The following TBC1D14 variants were observed in gnomAD, a reference collection of about 807,000 sequenced individuals.
TBC1D14 encodes the protein TBC1 domain family member 14.
TBC1D14 carries 26 observed loss-of-function variants against 79.0 expected under a neutral mutation model. That is an observed-to-expected ratio of 0.33 (90% CI 0.24 to 0.46). The LOEUF (loss-of-function observed/expected upper bound fraction) is 0.46. Ranked by LOEUF, TBC1D14 falls within the 20% of genes least tolerant of loss-of-function variation. TBC1D14 has a pLI of 1.00. For synonymous variants in TBC1D14, 394 were observed against 349.9 expected (o/e 1.13, Z -1.40); for missense variants, 769 against 887.6 (o/e 0.87, Z 1.70).
chr4:7,014,568 C>G lies in TBC1D14; in HGVS notation c.1757+11C>G, dbSNP rs1345915994. On this transcript the variant is annotated intron_variant, in intron 12 of 13. Transcript: ENST00000409757. ...CTACCTAATTGATTGGTAAGACTGG[C>G]TTTTCCCTGTGTTTTCAGAGCATTT... The G allele has an allele frequency of 1.9e-6, 3 of 1,557,472 alleles. No individual in the cohort carries two copies. The highest frequency in any genetic ancestry group is 2.2e-5 in the East Asian group (1 of 44,562).
At chr4:6,989,447 C>T (rs1490979342) in intron 3 of TBC1D14, among the ~76,000 whole-genome samples, 4 of 152,212 alleles carry the variant, frequency 2.6e-5, no homozygotes, top group African/African-American at 9.6e-5. Context: ...TTCCTCTTGG[C>T]CTCTAGCCCA....
Position 7,006,638 on chromosome 4 carries a change from G to T in TBC1D14, c.1358G>T (p.Gly453Val), listed in dbSNP as rs781483190. The T allele has an allele frequency of 1.2e-6, 2 of 1,613,814 alleles. No individual in the cohort carries two copies. The highest frequency in any genetic ancestry group is 3.3e-5 in the Admixed American group (2 of 59,948). The change falls in exon 9 of 14, where the codon GGT becomes GTT. Residue 453 changes from glycine to valine, a missense_variant. By Grantham distance (109) the Gly-to-Val change is moderately radical (BLOSUM62 -3). Around this residue, in one of 2 missense-constraint regions of TBC1D14, gnomAD observed 367 missense variants for 494.4 expected, o/e 0.74. Transcript: ENST00000409757. ...TTTTGGCATCTTTTGACAGATGCTG[G>T]TTTTTCAGCAGCAGACAGAGAAGCC... ...GGSEVENEDAGFSAADREASL... is the reference protein window; with the variant it reads ...GGSEVENEDAVFSAADREASL...
intron 12 of TBC1D14, among the ~76,000 whole-genome samples, chr4:7,023,253 C>T (rs997171210): frequency 1.1e-4 from 16 of 152,148 alleles, no homozygotes; most frequent in African/African-American, 3.9e-4. Flanking sequence ...GAGACTCCGT[C>T]TCAAGAAAAA....
rs114072903 is a variant in TBC1D14, at chr4:6,934,711, G to A, written c.722+10600G>A. Among the ~76,000 whole-genome samples, 466 of 152,214 alleles carry A rather than the reference G, an allele frequency of 3.1e-3. 2 individuals are homozygous for A. The highest frequency in any genetic ancestry group is 0.01 in the African/African-American group (423 of 41,552). ...GAATTGACTGTTTAGCAATGAGGAG[G>A]CCATCAGTGACCTTTGAGCAGAGCT... On this transcript the variant is annotated intron_variant, in intron 2 of 13. Transcript: ENST00000409757.
At chr4:7,010,534 G>GTC in intron 10 of TBC1D14, 119 bp from the exon 11 acceptor site, 1 of 1,258,000 alleles carries the variant, frequency 7.9e-7, no homozygotes, top group South Asian at 1.5e-5. Context: ...CGGAGGAGTG[G>GTC]GGCGGCTCTA....
chr4:6,931,840 T>A (rs1192784245), intron 2 of TBC1D14, among the ~76,000 whole-genome samples: 2 of 152,266 alleles, frequency 1.3e-5, no homozygotes, highest in South Asian at 4.1e-4. Flanking sequence ...TGGGATTCAT[T>A]TGTGAACAAA....
At chr4:6,934,369 G>A (rs969058290) in intron 2 of TBC1D14, among the ~76,000 whole-genome samples, 3 of 152,072 alleles carry the variant, frequency 2.0e-5, no homozygotes, top group African/African-American at 7.2e-5. Flanking sequence ...AGGGGCAACT[G>A]GGCAGAGGTT....
intron 13 of TBC1D14, 89 bp from the exon 14 acceptor site, chr4:7,030,238 T>A: frequency 7.8e-7 from 1 of 1,279,412 alleles, no homozygotes. Context: ...GGGGACCCTG[T>A]TAGGAGGCTA....
intron 12 of TBC1D14, among the ~76,000 whole-genome samples, chr4:7,017,040 C>G (rs1317880517): frequency 6.6e-6 from 1 of 152,224 alleles, no homozygotes; most frequent in Admixed American, 6.5e-5. Context: ...CTAGCTCACG[C>G]CTGTAATCCC....
intron 2 of TBC1D14, among the ~76,000 whole-genome samples, chr4:6,930,012 G>A (rs1202117881): frequency 3.3e-5 from 5 of 152,228 alleles, no homozygotes; most frequent in Non-Finnish European, 7.3e-5. Context: ...CTTGTAACAT[G>A]TGTAACGTGA....
rs1470209409 is a variant in TBC1D14, at chr4:7,030,399, A to C, written c.*7A>C. ...TCCGTCCCTCCGACACTGAGGCTGC[A>C]GCGGGAATTCGCACTCGGCACCAAT... On this transcript the variant is annotated 3_prime_UTR_variant, in exon 14 of 14. Transcript: ENST00000409757. The C allele has an allele frequency of 1.2e-6, 2 of 1,613,908 alleles. No individual in the cohort carries two copies. Among genetic ancestry groups the C allele is most frequent in the East Asian group, 4.5e-5 (2 of 44,878 alleles).
At chr4:6,976,531 C>G (rs1435515898) in intron 3 of TBC1D14, among the ~76,000 whole-genome samples, 1 of 152,122 alleles carries the variant, frequency 6.6e-6, no homozygotes, top group South Asian at 2.1e-4. Flanking sequence ...GTTAGAGCGC[C>G]GAAAAGAACT....
chr4:6,996,814 G>A (rs1719101123), intron 5 of TBC1D14, among the ~76,000 whole-genome samples: 1 of 152,238 alleles, frequency 6.6e-6, no homozygotes, highest in African/African-American at 2.4e-5. Context: ...TTATTCAAGA[G>A]AAAAGCACTT....
chr4:6,979,336 A>G (rs1577114137), intron 3 of TBC1D14, among the ~76,000 whole-genome samples: 1 of 152,224 alleles, frequency 6.6e-6, no homozygotes, highest in East Asian at 1.9e-4. Flanking sequence ...AGAATGGGTT[A>G]AAAAAATGGG....
At chr4:7,008,696 C>A (rs1720455363) in intron 9 of TBC1D14, among the ~76,000 whole-genome samples, 1 of 152,258 alleles carries the variant, frequency 6.6e-6, no homozygotes, top group East Asian at 1.9e-4. Context: ...CAGGCGTGAG[C>A]CACTGCGCCC....
intron 2 of TBC1D14, among the ~76,000 whole-genome samples, chr4:6,931,084 A>G (rs1214095241): frequency 6.6e-6 from 1 of 152,044 alleles, no homozygotes; most frequent in Admixed American, 6.6e-5. Context: ...TATTTTGAAT[A>G]GAGACAGGGT....
intron 2 of TBC1D14, among the ~76,000 whole-genome samples, chr4:6,933,163 C>T (rs1454479685): frequency 2.0e-5 from 3 of 149,202 alleles, no homozygotes; most frequent in Non-Finnish European, 4.4e-5. Flanking sequence ...ATCTCACACT[C>T]CAAATCTCTT....
At chr4:6,970,057 G>A (rs1716087985) in intron 3 of TBC1D14, among the ~76,000 whole-genome samples, 1 of 152,182 alleles carries the variant, frequency 6.6e-6, no homozygotes, top group Non-Finnish European at 1.5e-5. Flanking sequence ...GGCTCACACA[G>A]CCTGCACTTG....
chr4:6,951,025 C>T (rs933237940), intron 2 of TBC1D14, among the ~76,000 whole-genome samples: 2 of 152,208 alleles, frequency 1.3e-5, no homozygotes, highest in Non-Finnish European at 2.9e-5. Context: ...CGCAGTGGCT[C>T]ATGCCTGGAA....
Sources: allele counts gnomAD v4.1 joint callset (sites outside exome capture counted in the v4.1 genomes callset), GRCh38; gene constraint gnomAD v4.1.1; regional missense constraint gnomAD v4.1.1; transcripts MANE v1.5; gene names NCBI Gene and HGNC (gene_info 2026-07-23, HGNC 2026-07-21).